The following ANKAR variants were observed in gnomAD, a reference collection of about 807,000 sequenced individuals.
ANKAR encodes ankyrin and armadillo repeat-containing protein.
Under a neutral mutation model 146.2 loss-of-function variants are expected in ANKAR, and 136 were observed. The observed-to-expected ratio is 0.93, with a 90% CI of 0.81 to 1.07. ANKAR has a LOEUF of 1.07. Ranked by LOEUF, ANKAR falls within the 50% of genes least tolerant of loss-of-function variation. ANKAR has a pLI of 0.00. For synonymous variants in ANKAR, 500 were observed against 575.8 expected (o/e 0.87, Z 1.88); for missense variants, 1,567 against 1,679.9 (o/e 0.93, Z 1.18).
chr2:189,720,722 A>G lies in ANKAR; in HGVS notation c.2570A>G (p.Asn857Ser). ...GTATTGTGTATAGGAAATGAAAACA[A>G]TCAAAGAGCTGTGAGAGAACATAAA... ...IRVLCIGNENNQRAVREHKGL... is the reference protein window; with the variant it reads ...IRVLCIGNENSQRAVREHKGL... The change falls in exon 12 of 23, where the codon AAT (asparagine) becomes AGT (serine). Residue 857 changes from asparagine to serine, a missense_variant. By Grantham distance (46) the Asn-to-Ser change is conservative (BLOSUM62 1). Coordinates refer to ENST00000684021, the MANE Select transcript of ANKAR (RefSeq NM_001378068.1). 1 of 1,523,300 alleles carries G rather than the reference A, an allele frequency of 6.6e-7. No homozygotes were observed. Among genetic ancestry groups the G allele is most frequent in the Non-Finnish European group, 8.8e-7 (1 of 1,140,164 alleles). The allele number at this position is 1,523,300 out of a possible 1,614,324, so 94.4% of individuals were successfully genotyped here.
chr2:189,716,482 A>G (rs1476520403), intron 10 of ANKAR, among the ~76,000 whole-genome samples: 1 of 152,148 alleles, frequency 6.6e-6, no homozygotes, highest in African/African-American at 2.4e-5. Context: ...CATGGATAGG[A>G]AGAATCAATA....
chr2:189,732,287 A>C (rs539202467), intron 16 of ANKAR, among the ~76,000 whole-genome samples: 6 of 152,316 alleles, frequency 3.9e-5, no homozygotes, highest in African/African-American at 1.4e-4. Context: ...CAGAATGTAC[A>C]TTAAATGGTT....
In ANKAR at chr2:189,743,494, G is replaced by A. The variant is rs181922547; in HGVS notation, c.4010+20G>A. On this transcript the variant is annotated intron_variant, in intron 21 of 22. Transcript: ENST00000684021. ...CTTAAGGTATGGTCCTATGTTAGAA[G>A]TTGCAGTAGTGAAATCATCGATAGA... 6.2e-7 allele frequency: 1 copy of A among 1,601,414 alleles called. No homozygotes were observed. The highest frequency in any genetic ancestry group is 1.3e-5 in the African/African-American group (1 of 74,548).
chr2:189,743,168 C>T lies in ANKAR; in HGVS notation c.3811-107C>T, dbSNP rs1241937198. 3.7e-6 allele frequency: 4 copies of T among 1,079,042 alleles called. No individual in the cohort carries two copies. In the East Asian group the frequency reaches 1.0e-4, roughly 28 times the overall value. The allele number at this position is 1,079,042 out of a possible 1,614,324, so 66.8% of individuals were successfully genotyped here. A position where few individuals can be genotyped will look rare whatever the true frequency, so the allele number is the denominator to read the frequency against. ...TTGTTTGCATACATATTTGCTTACACTTGCTCCCTCCCTTACAGAGACTTT... is the reference window on the plus strand; with the variant it reads ...TTGTTTGCATACATATTTGCTTACATTTGCTCCCTCCCTTACAGAGACTTT... On this transcript the variant is annotated intron_variant, in intron 20 of 22. Coordinates refer to ENST00000684021, the MANE Select transcript of ANKAR (RefSeq NM_001378068.1).
chr2:189,695,841 C>T (rs940875255), intron 6 of ANKAR, among the ~76,000 whole-genome samples: 1 of 152,142 alleles, frequency 6.6e-6, no homozygotes, highest in Non-Finnish European at 1.5e-5. Flanking sequence ...AATTTCTAGA[C>T]TTCTGAATTA....
At chr2:189,727,778 G>A in intron 12 of ANKAR, 78 bp from the exon 13 acceptor site, 2 of 1,461,488 alleles carry the variant, frequency 1.4e-6, no homozygotes, top group South Asian at 1.4e-5. Flanking sequence ...TATAATATGG[G>A]AAACTAATGA....
intron 15 of ANKAR, 131 bp downstream of exon 15, chr2:189,728,952 AG>A (rs1380896831): frequency 1.2e-6 from 1 of 840,592 alleles, no homozygotes; most frequent in Non-Finnish European, 1.7e-6. Context: ...AATGTATGAA[AG>A]ACTATTATAA....
chr2:189,721,170 T>C (rs1559117425), intron 12 of ANKAR, among the ~76,000 whole-genome samples: 7 of 152,032 alleles, frequency 4.6e-5, no homozygotes, highest in South Asian at 2.1e-4. Flanking sequence ...GTATTTTTAG[T>C]AGAGACAGGG....
At chr2:189,725,846 T>C (rs1202155465) in intron 12 of ANKAR, among the ~76,000 whole-genome samples, 1 of 152,120 alleles carries the variant, frequency 6.6e-6, no homozygotes, top group Non-Finnish European at 1.5e-5. Context: ...AGGCAGAGGT[T>C]GCAGTGAGCT....
chr2:189,681,114 AT>A (rs2034602231), intron 2 of ANKAR, among the ~76,000 whole-genome samples: 1 of 152,242 alleles, frequency 6.6e-6, no homozygotes, highest in African/African-American at 2.4e-5. Context: ...GAATGGGCAT[AT>A]GCCAAACTGG....
intron 3 of ANKAR, 77 bp from the exon 4 acceptor site, chr2:189,692,178 T>G: frequency 5.6e-6 from 7 of 1,252,134 alleles, no homozygotes; most frequent in African/African-American, 1.6e-5. Context: ...TTTACATGAA[T>G]GAGAAGCTAG....
chr2:189,759,353 A>G (rs13404356), intron 18 of ANKAR, among the ~76,000 whole-genome samples: 5,122 of 151,370 alleles, frequency 0.034, 296 homozygotes, highest in African/African-American at 0.12. Context: ...GGTTCACGCC[A>G]TTCTCCTGCC....
chr2:189,735,630 A>C (rs2042774728), intron 17 of ANKAR, among the ~76,000 whole-genome samples: 1 of 152,228 alleles, frequency 6.6e-6, no homozygotes, highest in Non-Finnish European at 1.5e-5. Context: ...GAATGCAATA[A>C]AAATTAAGTC....
At chr2:189,725,804 A>T (rs749300800) in intron 12 of ANKAR, among the ~76,000 whole-genome samples, 4 of 152,138 alleles carry the variant, frequency 2.6e-5, no homozygotes, top group Non-Finnish European at 4.4e-5. Flanking sequence ...GCTACTTGGG[A>T]GGCTGAGGTG....
chr2:189,691,351 C>T (rs534107432), intron 3 of ANKAR, among the ~76,000 whole-genome samples: 9 of 152,176 alleles, frequency 5.9e-5, no homozygotes, highest in Admixed American at 6.5e-5. Context: ...CCGCCGCGCC[C>T]GGGAGAGAAA....
intron 2 of ANKAR, among the ~76,000 whole-genome samples, chr2:189,678,358 A>G (rs545786871): frequency 1.3e-5 from 2 of 152,066 alleles, no homozygotes; most frequent in Non-Finnish European, 2.9e-5. Context: ...TTGGAAGCAT[A>G]ATTTGCAAAT....
At position 189,754,885 on chromosome 2, in the gene ANKAR, G is replaced by A. The variant is rs116128340; in HGVS notation, c.*585-6213G>A. The A allele has an allele frequency of 6.3e-4, 227 of 358,960 alleles. 2 individuals carry two copies. Among genetic ancestry groups the A allele is most frequent in the African/African-American group, 4.7e-3 (215 of 46,136 alleles). The allele number at this position is 358,960 out of a possible 1,614,324, so 22.2% of individuals were successfully genotyped here. A position where few individuals can be genotyped will look rare whatever the true frequency, so the allele number is the denominator to read the frequency against. On this transcript the variant is annotated intron_variant and NMD_transcript_variant, in intron 18 of 18. Coordinates refer to the ANKAR transcript ENST00000441800. ...CCTTTTTTGCAGTATGTTAGTTTAC[G>A]AAGCACGTTCTTTCACATACATTAT...
intron 1 of ANKAR, among the ~76,000 whole-genome samples, 175 bp downstream of exon 1, chr2:189,675,005 G>A (rs923423577): frequency 1.3e-5 from 2 of 151,686 alleles, no homozygotes; most frequent in African/African-American, 2.4e-5. Context: ...CCTCTATAAA[G>A]TGGGCATAAC....
intron 10 of ANKAR, among the ~76,000 whole-genome samples, chr2:189,715,617 C>G (rs1036962874): frequency 1.3e-5 from 2 of 152,168 alleles, no homozygotes; most frequent in African/African-American, 2.4e-5. Flanking sequence ...GATACCAAAG[C>G]CTGGCAGAGA....
Sources: allele counts gnomAD v4.1 joint callset (sites outside exome capture counted in the v4.1 genomes callset), GRCh38; gene constraint gnomAD v4.1.1; transcripts MANE v1.5; gene names NCBI Gene and HGNC (gene_info 2026-07-23, HGNC 2026-07-21).